IRAG2: variants seen among roughly 807,000 people sequenced by gnomAD.
The protein encoded by IRAG2 is lymphoid restricted membrane protein.
In IRAG2, 45 loss-of-function variants were observed where a neutral mutation model predicts 69.9. That is an observed-to-expected ratio of 0.64 (90% CI 0.51 to 0.83). The LOEUF is 0.83. IRAG2 is among the 40% of genes least tolerant of loss of function. IRAG2 has a pLI of 0.00. For missense variants in IRAG2, 520 were observed against 587.0 expected (o/e 0.89, Z 1.18); for synonymous variants, 193 against 202.4 (o/e 0.95, Z 0.40).
At chr12:25,014,326 A>G (rs1944503438) in intron 3 of IRAG2, among the ~76,000 whole-genome samples, 1 of 152,222 alleles carries the variant, frequency 6.6e-6, no homozygotes, top group African/African-American at 2.4e-5. Context: ...AATACAGAAG[A>G]TAAGAGCAGA....
In IRAG2 at chr12:25,108,041, A is replaced by G; in HGVS notation, c.1481A>G (p.Asn494Ser). The G allele has an allele frequency of 1.2e-6, 2 of 1,614,082 alleles. No individual in the cohort carries two copies. Among genetic ancestry groups the G allele is most frequent in the Non-Finnish European group, 1.7e-6 (2 of 1,179,942 alleles). ...ILWPFTRLRH[N>S]GPPPV ...TGGCCATTTACCAGACTCCGACACA[A>G]TGGGCCACCACCAGTGTGACAGCAG... The change falls in exon 22 of 22, where the codon AAT (asparagine) becomes AGT (serine). Residue 494 changes from asparagine to serine, a missense_variant. Coordinates refer to ENST00000556887, the MANE Select transcript of IRAG2 (RefSeq NM_001366544.2).
intron 15 of IRAG2, among the ~76,000 whole-genome samples, chr12:25,098,103 A>G (rs1342637861): frequency 4.6e-5 from 7 of 152,098 alleles, no homozygotes; most frequent in Non-Finnish European, 1.0e-4. Flanking sequence ...ACTACCTTGC[A>G]TGTCCCCTCA....
chr12:25,100,817 G>A (rs956246699), intron 15 of IRAG2: 1 of 129,876 alleles, frequency 7.7e-6, no homozygotes, highest in African/African-American at 2.7e-5. Context: ...GGAGTCTCTG[G>A]ACCTAATCTT....
intron 5 of IRAG2, among the ~76,000 whole-genome samples, chr12:25,068,726 A>G (rs1946144027): frequency 6.6e-6 from 1 of 152,184 alleles, no homozygotes; most frequent in Admixed American, 6.5e-5. Flanking sequence ...TCGGGAAATT[A>G]CAAGGTCTTA....
intron 15 of IRAG2, among the ~76,000 whole-genome samples, chr12:25,099,026 T>TAC (rs1195905419): frequency 1.3e-5 from 2 of 152,192 alleles, no homozygotes; most frequent in African/African-American, 4.8e-5. Context: ...CCTGCAGTTC[T>TAC]ACCCCTTCTC....
intron 1 of IRAG2, among the ~76,000 whole-genome samples, chr12:25,054,802 G>A (rs1435796478): frequency 2.0e-5 from 3 of 152,114 alleles, no homozygotes; most frequent in Non-Finnish European, 4.4e-5. Flanking sequence ...TTCTAACAAT[G>A]CCCTTTAAAT....
chr12:25,037,116 T>C (rs1944708379), intron 15 of IRAG2, among the ~76,000 whole-genome samples: 1 of 152,192 alleles, frequency 6.6e-6, no homozygotes, highest in East Asian at 1.9e-4. Flanking sequence ...ACTTCTTAGG[T>C]AGCTATTCCC....
At chr12:24,998,208 A>T in the IRAG2 span, among the ~76,000 whole-genome samples, 4 of 152,228 alleles carry the variant, frequency 2.6e-5, no homozygotes, top group African/African-American at 9.6e-5. Flanking sequence ...CCAATAAGAG[A>T]TGTTTATAGT....
chr12:25,036,690 A>G (rs1944704686), intron 15 of IRAG2: 1 of 398,834 alleles, frequency 2.5e-6, no homozygotes, highest in Non-Finnish European at 4.4e-6. Context: ...GCTTACTGTA[A>G]GTGTTTTATA....
rs901724539 is a variant in IRAG2 at position 25,004,750 on chromosome 12, C to T, written c.409C>T (p.Gln137Ter). 1.6e-6 allele frequency: 2 copies of T among 1,232,022 alleles called. No homozygotes were observed. Among genetic ancestry groups the T allele is most frequent in the Non-Finnish European group, 2.0e-6 (2 of 987,972 alleles). The allele number at this position is 1,232,022 out of a possible 1,614,324, so 76.3% of individuals were successfully genotyped here. A position where few individuals can be genotyped will look rare whatever the true frequency, so the allele number is the denominator to read the frequency against. The change falls in exon 1 of 39, where the codon CAG (glutamine) becomes TAG (stop). Residue 137 changes from glutamine (Q) to a stop codon, truncating the protein, a stop_gained. Transcript: ENST00000636465. LOFTEE classifies it high-confidence loss of function. Reference sequence around the variant, plus strand: ...CAAGAATTATACATCTTTGATGTCACAGATCAGAAAAGCAGAGTTTTTCTC... The same window carrying T: ...CAAGAATTATACATCTTTGATGTCATAGATCAGAAAAGCAGAGTTTTTCTC...
chr12:25,033,205 T>A (rs1363603627), intron 12 of IRAG2, among the ~76,000 whole-genome samples: 1 of 152,186 alleles, frequency 6.6e-6, no homozygotes, highest in Non-Finnish European at 1.5e-5. Flanking sequence ...TCTGCCTGCC[T>A]CGGCCTCTCA....
rs1946806226 is a variant in IRAG2 at position 25,077,279 on chromosome 12, T to TATATATGAA, written c.25-1957_25-1956insAATATATGA. ...ATATATATATGAAATATATATGAAA[T>TATATATGAA]ATATATGATATATATATGAAATATA... On this transcript the variant is annotated intron_variant, in intron 6 of 21. Transcript: ENST00000556887. 3.7e-5 allele frequency among the ~76,000 whole-genome samples: 2 copies of TATATATGAA among 53,812 alleles called. 1 individual carries two copies. The highest frequency in any genetic ancestry group is 1.2e-4 in the African/African-American group (2 of 17,258). 35.3% of individuals were successfully genotyped at this position (53,812 alleles called of 152,430 possible). A position where few individuals can be genotyped will look rare whatever the true frequency, so the allele number is the denominator to read the frequency against.
chr12:25,010,476 CAAA>C (rs11313967), intron 2 of IRAG2, among the ~76,000 whole-genome samples: 1 of 149,120 alleles, frequency 6.7e-6, no homozygotes, highest in African/African-American at 2.5e-5. Flanking sequence ...AAAAAACAAA[CAAA>C]AAAAAAAAAC....
chr12:25,010,770 C>G (rs1438906490), intron 2 of IRAG2, among the ~76,000 whole-genome samples: 2 of 152,042 alleles, frequency 1.3e-5, no homozygotes, highest in African/African-American at 4.8e-5. Flanking sequence ...CAGCCCAAGG[C>G]AGGCCTTTGA....
intron 9 of IRAG2, among the ~76,000 whole-genome samples, chr12:25,029,666 T>C (rs1467256066): frequency 7.3e-6 from 1 of 137,638 alleles, no homozygotes; most frequent in African/African-American, 2.5e-5. Flanking sequence ...TGTTACAATA[T>C]GTTTTTTTTT....
chr12:25,087,237 G>A (rs1271101772), intron 10 of IRAG2, among the ~76,000 whole-genome samples: 2 of 132,426 alleles, frequency 1.5e-5, no homozygotes, highest in Non-Finnish European at 3.1e-5. Flanking sequence ...GCATGATCTC[G>A]GTTCACTGCA....
chr12:25,051,515 C>T (rs1944872061), upstream of IRAG2, among the ~76,000 whole-genome samples: 1 of 152,210 alleles, frequency 6.6e-6, no homozygotes. Context: ...TGGCATGTAA[C>T]ACACATTAAA....
At position 25,063,070 on chromosome 12, in the gene IRAG2, T is replaced by C. The variant is rs1591977065; in HGVS notation, c.-304+170T>C. ...ATACGTGTTTTTGTAAATGTACACA[T>C]ACACACACACAAACCTAGTTGGTCC... On this transcript the variant is annotated intron_variant, in intron 3 of 21. Transcript: ENST00000556887. 2.0e-5 allele frequency among the ~76,000 whole-genome samples: 3 copies of C among 152,344 alleles called. No individual in the cohort carries two copies. The South Asian group carries it at 6.2e-4, about 32-fold the overall frequency.
chr12:25,007,527 CATTG>C (rs1458332289), intron 2 of IRAG2, among the ~76,000 whole-genome samples: 2 of 152,036 alleles, frequency 1.3e-5, no homozygotes, highest in African/African-American at 4.8e-5. Flanking sequence ...GAAACCCATC[CATTG>C]ATTGATTGAG....
Sources: gnomAD v4.1 joint callset for allele counts (sites outside exome capture counted in the v4.1 genomes callset) on GRCh38, gnomAD v4.1.1 for gene constraint, MANE v1.5 for transcripts, NCBI Gene and HGNC (gene_info 2026-07-23, HGNC 2026-07-21) for gene names.